The following MGME1 variants were observed in gnomAD, a reference collection of about 807,000 sequenced individuals.
The protein encoded by MGME1 is chromosome 20 open reading frame 72.
MGME1 carries 22 observed loss-of-function variants against 33.0 expected under a neutral mutation model. The observed-to-expected ratio is 0.67, with a 90% CI of 0.48 to 0.95. The LOEUF (loss-of-function observed/expected upper bound fraction) is 0.95, where lower values mean the gene tolerates loss of function less well. MGME1 is among the 40% of genes least tolerant of loss of function. MGME1 has a pLI of 0.00. For synonymous variants in MGME1, 133 were observed against 144.0 expected, an observed-to-expected ratio of 0.92 and a Z score of 0.55; for missense variants, 383 against 397.8, an observed-to-expected ratio of 0.96 and a Z score of 0.32.
intron 3 of MGME1, among the ~76,000 whole-genome samples, chr20:17,978,976 A>T (rs1452917787): frequency 1.3e-5 from 2 of 150,942 alleles, no homozygotes; most frequent in East Asian, 4.0e-4. Context: ...TGGGGTTTGG[A>T]CATGTTGCCC....
At chr20:17,980,940 C>G (rs1298187763) in intron 3 of MGME1, among the ~76,000 whole-genome samples, 1 of 151,942 alleles carries the variant, frequency 6.6e-6, no homozygotes, top group Admixed American at 6.6e-5. Context: ...TTTCCTTATC[C>G]CTGTGATTAC....
rs1438562572 is a variant in MGME1 at position 17,990,530 on chromosome 20, G to GC, written c.*426dup. The stretch of plus-strand genomic sequence containing the variant: ...TCACCCAGAGGGGAAGGGGCTACAT[G>GC]CCCCCAGCTGTGTGCAGGGAGGACA... On this transcript the variant is annotated 3_prime_UTR_variant, in exon 5 of 5. Transcript: ENST00000377710. 5 of 250,094 alleles carry GC rather than the reference G, an allele frequency of 2.0e-5. No homozygotes were observed. The highest frequency in any genetic ancestry group is 3.9e-5 in the Non-Finnish European group (5 of 129,510). The allele number at this position is 250,094 out of a possible 1,614,324, so 15.5% of individuals were successfully genotyped here. A position where few individuals can be genotyped will look rare whatever the true frequency, so the allele number is the denominator to read the frequency against.
chr20:17,979,206 A>T (rs1330984283), intron 3 of MGME1, among the ~76,000 whole-genome samples: 2 of 150,696 alleles, frequency 1.3e-5, no homozygotes, highest in Admixed American at 1.3e-4. Flanking sequence ...CCTCCTGAGT[A>T]GTTGGGACCA....
intron 3 of MGME1, among the ~76,000 whole-genome samples, chr20:17,986,987 C>T (rs1166015409): frequency 3.9e-5 from 6 of 151,982 alleles, no homozygotes; most frequent in African/African-American, 1.4e-4. Flanking sequence ...TGAAACCAGC[C>T]TGGCCAATAG....
intron 4 of MGME1, among the ~76,000 whole-genome samples, chr20:17,988,894 A>T (rs2036221437): frequency 6.6e-6 from 1 of 152,070 alleles, no homozygotes; most frequent in South Asian, 2.1e-4. Flanking sequence ...GTTTGAGTCC[A>T]GCCTGGGCAA....
At chr20:17,973,994 C>G (rs1383662834) in intron 2 of MGME1, among the ~76,000 whole-genome samples, 4 of 151,590 alleles carry the variant, frequency 2.6e-5, no homozygotes, top group Non-Finnish European at 5.9e-5. Context: ...AACAGTCCCC[C>G]CTCTTTCTCT....
rs117890659 is a variant in MGME1, at chr20:17,987,826, T to C, written c.732-340T>C. Among the ~76,000 whole-genome samples, 21 of 152,224 alleles carry C rather than the reference T, an allele frequency of 1.4e-4. 1 individual carries two copies. In the East Asian group the frequency reaches 3.9e-3, roughly 28 times the overall value. On this transcript the variant is annotated intron_variant, in intron 3 of 4. Coordinates refer to ENST00000377710, the MANE Select transcript of MGME1 (RefSeq NM_052865.4). ...TCCACTCTCTGTATCCTTTTGATAT[T>C]TGCATTTGGCAAGTATAAACCCGAC...
chr20:17,970,702 C>G (rs2035705378), intron 2 of MGME1, among the ~76,000 whole-genome samples: 1 of 152,102 alleles, frequency 6.6e-6, no homozygotes, highest in South Asian at 2.1e-4. Flanking sequence ...AAAAAGTCAC[C>G]TGGTAACAGA....
chr20:17,988,207 CA>C lies in MGME1; in HGVS notation c.776del (p.Lys259SerfsTer21), dbSNP rs1368956940. ...ATTGATTGGAAGACATCAGAGAAAC[CA>C]AAGCCTTTTATTCAAAGTACATTTG... ...CVIDWKTSEKPKPFIQSTFDN... is the reference protein window; with the variant it reads ...CVIDWKTSEKXKPFIQSTFDN... On this transcript the variant is annotated frameshift_variant, in exon 4 of 5. Transcript: ENST00000377710. LOFTEE classifies it high-confidence loss of function. 6.2e-7 allele frequency: 1 copy of C among 1,614,040 alleles called. No homozygotes were observed. Among genetic ancestry groups the C allele is most frequent in the East Asian group, 2.2e-5 (1 of 44,876 alleles).
In MGME1 at chr20:17,990,233, G is replaced by T. The variant is rs11908007; in HGVS notation, c.*124G>T. 5,702 of 815,934 alleles carry T rather than the reference G, an allele frequency of 7.0e-3. 225 individuals are homozygous for T. The African/African-American group carries it at 0.085, about 12-fold the overall frequency. 50.5% of individuals were successfully genotyped at this position (815,934 alleles called of 1,614,324 possible). On this transcript the variant is annotated 3_prime_UTR_variant, in exon 5 of 5. Transcript: ENST00000377710. ...GAGTGCTACACGAACACAAGTAGAA[G>T]TATTAATTTGTTGAAATGTGTTGTT...
chr20:17,984,453 C>T (rs931456937), intron 3 of MGME1, among the ~76,000 whole-genome samples: 1 of 152,004 alleles, frequency 6.6e-6, no homozygotes. Context: ...TACTCGTGTT[C>T]GTGGTTATGC....
chr20:17,968,737 G>A (rs2035623599), upstream of MGME1: 2 of 406,744 alleles, frequency 4.9e-6, no homozygotes, highest in African/African-American at 2.1e-5. Context: ...CAACCGCAGG[G>A]CCGCGACACG....
Position 17,970,028 on chromosome 20 carries a change from C to T in MGME1, c.169C>T (p.Gln57Ter), listed in dbSNP as rs200830457. 6.2e-7 allele frequency: 1 copy of T among 1,614,168 alleles called. No individual in the cohort carries two copies. The highest frequency in any genetic ancestry group is 8.5e-7 in the Non-Finnish European group (1 of 1,180,024). The change falls in exon 2 of 5, where the codon CAG becomes TAG. Residue 57 changes from glutamine (Q) to a stop codon, truncating the protein, a stop_gained. Transcript: ENST00000377710. LOFTEE classifies it high-confidence loss of function. ...VDQEKYSNLV[Q>*]SVLSSRGVAQ... ...CCAAGAAAAATACTCTAATTTAGTTCAGTCTGTCTTGTCATCCAGAGGCGT... is the reference window on the plus strand; with the variant it reads ...CCAAGAAAAATACTCTAATTTAGTTTAGTCTGTCTTGTCATCCAGAGGCGT...
rs561571838 is a variant in MGME1 at position 17,981,693 on chromosome 20, C to T, written c.731+5790C>T. On this transcript the variant is annotated intron_variant, in intron 3 of 4. Coordinates refer to ENST00000377710, the MANE Select transcript of MGME1 (RefSeq NM_052865.4). ...TGTGTGTGTGTGTGTGTGTCAGAGT[C>T]TCGCTCTATTGCCCAGGCTGGAGTG... Among the ~76,000 whole-genome samples, 12 of 147,622 alleles carry T rather than the reference C, an allele frequency of 8.1e-5. No homozygotes were observed. In the South Asian group the frequency reaches 2.3e-3, roughly 29 times the overall value.
chr20:17,972,767 G>A (rs918457389), intron 2 of MGME1: 1 of 985,244 alleles, frequency 1.0e-6, no homozygotes, highest in Non-Finnish European at 1.2e-6. Context: ...TTTGCAGCGA[G>A]AAATGTATGG....
At position 17,990,081 on chromosome 20, in the gene MGME1, ATAT is replaced by A; in HGVS notation, c.1009_1011del (p.Ile337del). ...TATACGGAAAAGAAAAAGAACCAGA[ATAT>A]TCAGAAACCAGAATATTCAGAATAG... On this transcript the variant is annotated inframe_deletion, in exon 5 of 5. Transcript: ENST00000377710. The A allele has an allele frequency of 6.2e-7, 1 of 1,614,134 alleles. No individual in the cohort carries two copies. Among genetic ancestry groups the A allele is most frequent in the Non-Finnish European group, 8.5e-7 (1 of 1,179,972 alleles).
intron 3 of MGME1, among the ~76,000 whole-genome samples, chr20:17,984,838 C>A (rs2036114430): frequency 6.6e-6 from 1 of 151,472 alleles, no homozygotes; most frequent in Non-Finnish European, 1.5e-5. Flanking sequence ...GAGTTCGAGA[C>A]CAGCCTAGGC....
chr20:17,970,574 T>C (rs1476490672), intron 2 of MGME1, among the ~76,000 whole-genome samples: 1 of 152,230 alleles, frequency 6.6e-6, no homozygotes, highest in Non-Finnish European at 1.5e-5. Context: ...GATACTGTTA[T>C]CCACATTTTA....
At chr20:17,989,825 A>C in intron 4 of MGME1, 114 bp from the exon 5 acceptor site, 3 of 907,590 alleles carry the variant, frequency 3.3e-6, no homozygotes, top group East Asian at 2.4e-5. Flanking sequence ...AAACTGAGTT[A>C]GGAGATATCC....
Sources: allele counts gnomAD v4.1 joint callset (sites outside exome capture counted in the v4.1 genomes callset), GRCh38; gene constraint gnomAD v4.1.1; transcripts MANE v1.5; gene names NCBI Gene and HGNC (gene_info 2026-07-23, HGNC 2026-07-21).